The following AKNAD1 variants were observed in gnomAD, a reference collection of about 807,000 sequenced individuals.
AKNAD1 encodes the protein protein AKNAD1.
AKNAD1 carries 67 observed loss-of-function variants against 90.8 expected under a neutral mutation model. The observed-to-expected ratio is 0.74, with a 90% CI of 0.61 to 0.90. The LOEUF is 0.90. AKNAD1 is among the 40% of genes least tolerant of loss of function. The pLI is 0.00. For synonymous variants in AKNAD1, 327 were observed against 341.4 expected, an observed-to-expected ratio of 0.96 and a Z score of 0.46; for missense variants, 957 against 975.4, an observed-to-expected ratio of 0.98 and a Z score of 0.25.
At chr1:108,828,221 T>A (rs1012992932) in intron 10 of AKNAD1, among the ~76,000 whole-genome samples, 2 of 151,730 alleles carry the variant, frequency 1.3e-5, no homozygotes, top group Admixed American at 6.6e-5. Context: ...TCCAGCAAAG[T>A]GGGCTTTGCC....
rs891886935 is a variant in AKNAD1 at position 108,820,527 on chromosome 1, T to C, written c.2249+18A>G. On this transcript the variant is annotated intron_variant, in intron 14 of 15. Coordinates refer to ENST00000370001, the MANE Select transcript of AKNAD1 (RefSeq NM_152763.5). ...CCAATGAGAAATATTTTGTTACTGA[T>C]AATGAAATAATACTTACTTTCCTGG... 1 of 1,525,696 alleles carries C rather than the reference T, an allele frequency of 6.6e-7. No homozygotes were observed. Among genetic ancestry groups the C allele is most frequent in the African/African-American group, 1.4e-5 (1 of 73,168 alleles). 94.5% of individuals were successfully genotyped at this position (1,525,696 alleles called of 1,614,324 possible).
intron 11 of AKNAD1, among the ~76,000 whole-genome samples, 179 bp downstream of exon 11, chr1:108,827,026 G>GC (rs1195084018): frequency 9.2e-5 from 14 of 151,450 alleles, no homozygotes; most frequent in African/African-American, 3.1e-4. Context: ...ACAGGCATGA[G>GC]CCCCCATGCC....
Position 108,820,667 on chromosome 1 carries a change from A to G in AKNAD1, c.2168-41T>C, listed in dbSNP as rs80332744. 5.1e-4 allele frequency: 642 copies of G among 1,261,874 alleles called. 4 individuals are homozygous for G. The African/African-American group carries it at 8.0e-3, about 16-fold the overall frequency. The allele number at this position is 1,261,874 out of a possible 1,614,324, so 78.2% of individuals were successfully genotyped here. A position where few individuals can be genotyped will look rare whatever the true frequency, so the allele number is the denominator to read the frequency against. On this transcript the variant is annotated intron_variant, in intron 13 of 15. Transcript: ENST00000370001. Reference sequence around the variant, plus strand: ...TATCATTAAATTCAGAGTATCAAAAATGAGCCCCAAATGGTGCCTATGTAT... The same window carrying G: ...TATCATTAAATTCAGAGTATCAAAAGTGAGCCCCAAATGGTGCCTATGTAT...
At chr1:108,832,032 G>A (rs1664214967) in intron 9 of AKNAD1, among the ~76,000 whole-genome samples, 1 of 152,046 alleles carries the variant, frequency 6.6e-6, no homozygotes, top group Non-Finnish European at 1.5e-5. Flanking sequence ...TGTTCATGAT[G>A]TGCCAGGTGC....
At chr1:108,822,675 G>A (rs1663854820) in intron 13 of AKNAD1, among the ~76,000 whole-genome samples, 1 of 152,092 alleles carries the variant, frequency 6.6e-6, no homozygotes, top group African/African-American at 2.4e-5. Context: ...AAGGTATGAG[G>A]CCAAGGATGT....
At chr1:108,823,149 T>C (rs1282184236) in intron 13 of AKNAD1, 1 of 717,040 alleles carries the variant, frequency 1.4e-6, no homozygotes, top group Non-Finnish European at 2.6e-6. Context: ...TTCAAAGTCC[T>C]TGGTCACTGC....
intron 2 of AKNAD1, 50 bp downstream of exon 2, chr1:108,851,622 G>A (rs768183559): frequency 1.3e-6 from 2 of 1,492,284 alleles, no homozygotes; most frequent in Non-Finnish European, 8.9e-7. Flanking sequence ...CACTGAAAGA[G>A]ATAAGCAGTG....
chr1:108,846,212 A>G (rs1291474464), intron 5 of AKNAD1, among the ~76,000 whole-genome samples: 1 of 152,000 alleles, frequency 6.6e-6, no homozygotes, highest in African/African-American at 2.4e-5. Flanking sequence ...TTTTTTCAAG[A>G]CTGAACCACC....
chr1:108,826,862 C>A (rs944782639), intron 11 of AKNAD1, among the ~76,000 whole-genome samples: 15 of 150,540 alleles, frequency 1.0e-4, no homozygotes, highest in Non-Finnish European at 5.9e-5. Context: ...ACCTTAGTCT[C>A]CCAAGTAGCT....
At chr1:108,856,716 T>TAAACACA (rs1665054787) in intron 1 of AKNAD1, among the ~76,000 whole-genome samples, 2 of 135,664 alleles carry the variant, frequency 1.5e-5, no homozygotes, top group Non-Finnish European at 3.5e-5. Context: ...TCTCTCTCTC[T>TAAACACA]CTCACACACA....
chr1:108,816,244 G>C lies in AKNAD1; in HGVS notation c.2438C>G (p.Thr813Arg). 1 of 1,613,748 alleles carries C rather than the reference G, an allele frequency of 6.2e-7. No individual in the cohort carries two copies. The highest frequency in any genetic ancestry group is 8.5e-7 in the Non-Finnish European group (1 of 1,179,872). ...TGCAATCGTTTTAATCATTTGATCT[G>C]TAGTTTCTTTCAAAATGGTTGCTGT... ...LRTATILKET[T>R]DQMIKTIAED... The change falls in exon 16 of 16, where the codon ACA (threonine) becomes AGA (arginine). Residue 813 changes from threonine (T) to arginine (R), a missense_variant. Physicochemically the swap from Thr to Arg is moderately conservative, Grantham distance 71. Transcript: ENST00000370001.
intron 15 of AKNAD1, among the ~76,000 whole-genome samples, 174 bp from the exon 16 acceptor site, chr1:108,816,476 A>C (rs1408690096): frequency 1.3e-5 from 2 of 152,080 alleles, no homozygotes; most frequent in Non-Finnish European, 2.9e-5. Context: ...CTGAGATGGA[A>C]TATATTTGTT....
chr1:108,849,012 TTC>T lies in AKNAD1; in HGVS notation c.1080_1081del (p.Lys361ArgfsTer28). 6.2e-7 allele frequency: 1 copy of T among 1,610,866 alleles called. No individual in the cohort carries two copies. Among genetic ancestry groups the T allele is most frequent in the Non-Finnish European group, 8.5e-7 (1 of 1,179,242 alleles). On this transcript the variant is annotated frameshift_variant, in exon 4 of 16. Coordinates refer to ENST00000370001, the MANE Select transcript of AKNAD1 (RefSeq NM_152763.5). LOFTEE classifies it high-confidence loss of function. The stretch of plus-strand genomic sequence containing the variant: ...GTAAGAAGAACTTGAGGAAGTGCCT[TTC>T]TGAGAGGTTGGTGACAACTTAGAGA...
At chr1:108,827,485 A>T (rs1199168952) in intron 10 of AKNAD1, among the ~76,000 whole-genome samples, 183 bp from the exon 11 acceptor site, 1 of 151,602 alleles carries the variant, frequency 6.6e-6, no homozygotes, top group African/African-American at 2.4e-5. Context: ...TCTACAAGAA[A>T]TTGCACCCCA....
chr1:108,835,553 T>G (rs1214145232), intron 7 of AKNAD1, among the ~76,000 whole-genome samples: 1 of 152,168 alleles, frequency 6.6e-6, no homozygotes, highest in Non-Finnish European at 1.5e-5. Context: ...GTAGTCTGGC[T>G]TCAGAGTCAC....
intron 6 of AKNAD1, among the ~76,000 whole-genome samples, chr1:108,841,437 A>T (rs1456659036): frequency 6.6e-6 from 1 of 152,074 alleles, no homozygotes; most frequent in Non-Finnish European, 1.5e-5. Flanking sequence ...TGAAGGTAGA[A>T]CCCCATTTCT....
intron 4 of AKNAD1, 26 bp from the exon 5 acceptor site, chr1:108,848,840 CATT>C: frequency 2.5e-6 from 4 of 1,607,770 alleles, no homozygotes; most frequent in Non-Finnish European, 3.4e-6. Context: ...TACAATCTCT[CATT>C]AATGGCATGG....
intron 1 of AKNAD1, among the ~76,000 whole-genome samples, chr1:108,854,509 C>T (rs76244131): frequency 0.013 from 1,998 of 151,910 alleles, 32 homozygotes; most frequent in South Asian, 0.058. Context: ...ACTAAGTCGT[C>T]CAAGAAAAAA....
At position 108,827,309 on chromosome 1, in the gene AKNAD1, A is replaced by T; in HGVS notation, c.1839-7T>A. 6.3e-7 allele frequency: 1 copy of T among 1,592,962 alleles called. No individual in the cohort carries two copies. Among genetic ancestry groups the T allele is most frequent in the Non-Finnish European group, 8.6e-7 (1 of 1,162,948 alleles). ...TTTCTCCACGTTTTGCTTCCTAAAA[A>T]AAGGTGCATAAGATCCTGTAAACTT... On this transcript the variant is annotated splice_polypyrimidine_tract_variant and splice_region_variant and intron_variant, in intron 10 of 15. Transcript: ENST00000370001.
Sources: allele counts gnomAD v4.1 joint callset (sites outside exome capture counted in the v4.1 genomes callset), GRCh38; gene constraint gnomAD v4.1.1; transcripts MANE v1.5; gene names NCBI Gene and HGNC (gene_info 2026-07-23, HGNC 2026-07-21).